Variants in OR6N1 observed in about 807,000 individuals in gnomAD.
OR6N1 encodes the protein olfactory receptor 6N1.
For synonymous variants in OR6N1, 170 were observed against 150.7 expected, an observed-to-expected ratio of 1.13 and a Z score of -0.94; for missense variants, 394 against 371.7, an observed-to-expected ratio of 1.06 and a Z score of -0.49.
chr1:158,812,207 G>A, the OR6N1 span, among the ~76,000 whole-genome samples: 23 of 152,300 alleles, frequency 1.5e-4, no homozygotes, highest in South Asian at 8.3e-4. Context: ...TGATGGCTGC[G>A]TGTTCGCCTT....
At chr1:158,768,540 G>A (rs907524876) in intron 1 of OR6N1, among the ~76,000 whole-genome samples, 1 of 152,118 alleles carries the variant, frequency 6.6e-6, no homozygotes, top group Non-Finnish European at 1.5e-5. Context: ...ACTCCTAACA[G>A]ATCTCCCTAC....
At chr1:158,775,995 G>A (rs1657583319), upstream of OR6N1, 1 of 152,100 alleles carries the variant, frequency 6.6e-6, no homozygotes, top group South Asian at 2.1e-4. Context: ...GTGGTTTGGA[G>A]ATAAAAATTT....
chr1:158,768,453 C>G lies in OR6N1; in HGVS notation c.-18-1753G>C, dbSNP rs567738043. 2.6e-5 allele frequency among the ~76,000 whole-genome samples: 4 copies of G among 152,256 alleles called. No individual in the cohort carries two copies. In the South Asian group the frequency reaches 8.3e-4, roughly 32 times the overall value. On this transcript the variant is annotated intron_variant, in intron 1 of 1. Coordinates refer to ENST00000641846, the MANE Select transcript of OR6N1 (RefSeq NM_001005185.2). The stretch of plus-strand genomic sequence containing the variant: ...CAGTCATCCTTGTTTCTATCTTTCT[C>G]TCATATATCCAGGAACTGACTATGT...
the OR6N1 span, among the ~76,000 whole-genome samples, chr1:158,803,283 A>G: frequency 6.6e-6 from 1 of 152,138 alleles, no homozygotes; most frequent in African/African-American, 2.4e-5. Flanking sequence ...AGTCTCTCAA[A>G]TTTTTGGACA....
At chr1:158,800,997 C>T in the OR6N1 span, among the ~76,000 whole-genome samples, 2 of 152,200 alleles carry the variant, frequency 1.3e-5, no homozygotes, top group African/African-American at 4.8e-5. Flanking sequence ...TCACAATACA[C>T]TTCTACACTT....
the OR6N1 span, chr1:158,796,275 A>G: frequency 2.6e-5 from 4 of 152,200 alleles, no homozygotes; most frequent in Non-Finnish European, 4.4e-5. Flanking sequence ...CTTATTTGGT[A>G]CCTTAAAAGT....
At chr1:158,788,078 A>G in the OR6N1 span, among the ~76,000 whole-genome samples, 7 of 152,200 alleles carry the variant, frequency 4.6e-5, no homozygotes, top group African/African-American at 1.4e-4. Flanking sequence ...AGAGGAGATA[A>G]GCTATAACTG....
chr1:158,774,468 G>A (rs1185910575), upstream of OR6N1: 1 of 152,098 alleles, frequency 6.6e-6, no homozygotes, highest in Non-Finnish European at 1.5e-5. Context: ...AAGCTGCCCA[G>A]GCTGAATGAA....
chr1:158,770,815 C>T (rs1657406726), intron 1 of OR6N1, among the ~76,000 whole-genome samples: 1 of 152,202 alleles, frequency 6.6e-6, no homozygotes, highest in Non-Finnish European at 1.5e-5. Flanking sequence ...TGGGCATCAA[C>T]CCTCTGCCTG....
At chr1:158,778,653 G>C in the OR6N1 span, among the ~76,000 whole-genome samples, 189 of 152,232 alleles carry the variant, frequency 1.2e-3, no homozygotes, top group Middle Eastern at 6.8e-3. Context: ...GGAGATGAAG[G>C]TGTGAATTTG....
chr1:158,797,322 CTG>C, the OR6N1 span, among the ~76,000 whole-genome samples: 1 of 152,168 alleles, frequency 6.6e-6, no homozygotes, highest in Admixed American at 6.5e-5. Context: ...AATGTAGTAA[CTG>C]TGAATCAGGG....
the OR6N1 span, among the ~76,000 whole-genome samples, chr1:158,781,630 C>T: frequency 6.6e-6 from 1 of 152,240 alleles, no homozygotes; most frequent in Non-Finnish European, 1.5e-5. Flanking sequence ...ACTGTTTCCC[C>T]TCATCATTTA....
chr1:158,785,012 C>G, the OR6N1 span, among the ~76,000 whole-genome samples: 1 of 152,182 alleles, frequency 6.6e-6, no homozygotes, highest in Admixed American at 6.5e-5. Context: ...AGCTTTCAAA[C>G]TAAACTGTAA....
At chr1:158,806,012 T>A in the OR6N1 span, among the ~76,000 whole-genome samples, 2 of 152,214 alleles carry the variant, frequency 1.3e-5, no homozygotes, top group African/African-American at 4.8e-5. Flanking sequence ...TAATTATTAT[T>A]ACTATAATTA....
chr1:158,826,471 T>C, the OR6N1 span, among the ~76,000 whole-genome samples: 1 of 152,228 alleles, frequency 6.6e-6, no homozygotes, highest in Non-Finnish European at 1.5e-5. Flanking sequence ...TCAACCAACA[T>C]TTATTGATCA....
the OR6N1 span, among the ~76,000 whole-genome samples, chr1:158,822,614 A>G: frequency 2.0e-5 from 3 of 152,124 alleles, no homozygotes; most frequent in African/African-American, 7.2e-5. Context: ...AAAGACAAAG[A>G]CTGTGTGGTT....
At chr1:158,806,936 G>C in the OR6N1 span, among the ~76,000 whole-genome samples, 2 of 149,092 alleles carry the variant, frequency 1.3e-5, no homozygotes, top group African/African-American at 5.0e-5. Flanking sequence ...TCGGGAGGCA[G>C]TGGTTGCAGT....
At chr1:158,801,834 C>T in the OR6N1 span, among the ~76,000 whole-genome samples, 1 of 152,108 alleles carries the variant, frequency 6.6e-6, no homozygotes, top group Non-Finnish European at 1.5e-5. Context: ...TTACCTAGTT[C>T]TCTTTTTTAG....
At chr1:158,814,753 C>A in the OR6N1 span, among the ~76,000 whole-genome samples, 1 of 152,090 alleles carries the variant, frequency 6.6e-6, no homozygotes, top group Non-Finnish European at 1.5e-5. Flanking sequence ...TAGGTTTCAA[C>A]CTATGAATGC....
Sources: gnomAD v4.1 joint callset for allele counts (sites outside exome capture counted in the v4.1 genomes callset) on GRCh38, gnomAD v4.1.1 for gene constraint, MANE v1.5 for transcripts, NCBI Gene and HGNC (gene_info 2026-07-23, HGNC 2026-07-21) for gene names.